The following FAF1 variants were observed in gnomAD, a reference collection of about 807,000 sequenced individuals.
FAF1 encodes the protein FAS-associated factor 1.
In FAF1, 25 loss-of-function variants were observed where a neutral mutation model predicts 92.5. The observed-to-expected ratio is 0.27, with a 90% CI of 0.20 to 0.38. The LOEUF is 0.38. Ranked by LOEUF, FAF1 falls within the 10% of genes least tolerant of loss-of-function variation. FAF1 has a pLI of 1.00. For missense variants in FAF1, 636 were observed against 793.3 expected (o/e 0.80, Z 2.38); for synonymous variants, 234 against 273.2 (o/e 0.86, Z 1.42).
chr1:50,763,306 T>C (rs954653200), intron 4 of FAF1, among the ~76,000 whole-genome samples: 1 of 151,896 alleles, frequency 6.6e-6, no homozygotes, highest in Non-Finnish European at 1.5e-5. Context: ...AAATATAAAA[T>C]GTATCTTTGT....
chr1:50,574,895 ACT>A lies in FAF1; in HGVS notation c.1114-7666_1114-7665del, dbSNP rs1287248904. On this transcript the variant is annotated intron_variant, in intron 12 of 18. Transcript: ENST00000396153. ...TGTTTAAGCATATAGAGTTGTATTA[ACT>A]CTTTTTTTTTTTTTTTTTTTTTTTT... 6.7e-3 allele frequency among the ~76,000 whole-genome samples: 875 copies of A among 131,222 alleles called. 50 individuals are homozygous for A. Among genetic ancestry groups the A allele is most frequent in the African/African-American group, 0.024 (781 of 32,162 alleles). 86.1% of individuals were successfully genotyped at this position (131,222 alleles called of 152,430 possible). A position where few individuals can be genotyped will look rare whatever the true frequency, so the allele number is the denominator to read the frequency against.
chr1:50,451,194 A>G (rs533265272), intron 18 of FAF1, among the ~76,000 whole-genome samples: 1 of 152,186 alleles, frequency 6.6e-6, no homozygotes, highest in South Asian at 2.1e-4. Context: ...TGGGAAAGAG[A>G]GAATGAAAGA....
At chr1:50,570,108 T>C (rs1396284422) in intron 12 of FAF1, among the ~76,000 whole-genome samples, 2 of 152,138 alleles carry the variant, frequency 1.3e-5, no homozygotes, top group Non-Finnish European at 2.9e-5. Flanking sequence ...AGGGCAAAGA[T>C]GTGTTTACTC....
chr1:50,750,103 T>G (rs1381454511), intron 4 of FAF1, among the ~76,000 whole-genome samples: 2 of 152,146 alleles, frequency 1.3e-5, no homozygotes, highest in Non-Finnish European at 1.5e-5. Context: ...AGTACTGGAA[T>G]GTAGCAAGTT....
At chr1:50,524,867 G>A (rs1445282904) in intron 15 of FAF1, among the ~76,000 whole-genome samples, 3 of 151,914 alleles carry the variant, frequency 2.0e-5, no homozygotes, top group Non-Finnish European at 4.4e-5. Context: ...TGGCTATTCA[G>A]GCTCTTTTTT....
chr1:50,695,717 G>A (rs373972776), intron 7 of FAF1, among the ~76,000 whole-genome samples: 31 of 151,942 alleles, frequency 2.0e-4, no homozygotes, highest in Admixed American at 2.0e-4. Context: ...GCGCGATCTC[G>A]GCTCACTTGC....
chr1:50,842,199 A>G (rs1055288337), intron 2 of FAF1, among the ~76,000 whole-genome samples: 1 of 152,080 alleles, frequency 6.6e-6, no homozygotes, highest in Non-Finnish European at 1.5e-5. Context: ...CATGTTGACT[A>G]ACTAAAACCA....
rs562915284 is a variant in FAF1 at position 50,898,797 on chromosome 1, CA to C, written c.46-40801del. On this transcript the variant is annotated intron_variant, in intron 1 of 18. Transcript: ENST00000396153. ...CTGTTCTTAAATTTTTCGATTTTCA[CA>C]GGTTTTAAGCAATTTGATTTGATGC... Among the ~76,000 whole-genome samples the C allele has an allele frequency of 1.1e-3, 175 of 152,274 alleles. 1 individual carries two copies. In the South Asian group the frequency reaches 0.012, roughly 11 times the overall value.
At chr1:50,708,109 G>A (rs554744173) in intron 6 of FAF1, among the ~76,000 whole-genome samples, 17 of 152,182 alleles carry the variant, frequency 1.1e-4, no homozygotes, top group African/African-American at 1.7e-4. Flanking sequence ...CGCCCGGCCC[G>A]CCCCTGGAAC....
chr1:50,955,968 G>C (rs1281872990), intron 1 of FAF1, among the ~76,000 whole-genome samples: 1 of 152,182 alleles, frequency 6.6e-6, no homozygotes, highest in Non-Finnish European at 1.5e-5. Flanking sequence ...AAGTAGGATG[G>C]TGGTTGCCAG....
intron 1 of FAF1, among the ~76,000 whole-genome samples, chr1:50,867,288 GAC>G (rs1644489310): frequency 6.6e-6 from 1 of 152,166 alleles, no homozygotes; most frequent in Non-Finnish European, 1.5e-5. Context: ...AAGACTTCAT[GAC>G]CAAGAACACA....
intron 8 of FAF1, among the ~76,000 whole-genome samples, chr1:50,618,697 CCTT>C (rs768331264): frequency 6.6e-6 from 1 of 151,888 alleles, no homozygotes; most frequent in East Asian, 1.9e-4. Flanking sequence ...CCTTTATTGT[CCTT>C]CTTAATTTTT....
At chr1:50,889,530 C>T (rs1428349602) in intron 1 of FAF1, among the ~76,000 whole-genome samples, 1 of 152,196 alleles carries the variant, frequency 6.6e-6, no homozygotes, top group Non-Finnish European at 1.5e-5. Context: ...CTACACACTG[C>T]TTTAAATGTG....
At chr1:50,512,417 T>C (rs746148453) in intron 15 of FAF1, among the ~76,000 whole-genome samples, 1 of 152,222 alleles carries the variant, frequency 6.6e-6, no homozygotes, top group Non-Finnish European at 1.5e-5. Flanking sequence ...AATTTTTGTA[T>C]AAGGTGGAAG....
chr1:50,475,590 G>T lies in FAF1; in HGVS notation c.1743C>A (p.Pro581=). The T allele has an allele frequency of 6.2e-7, 1 of 1,614,022 alleles. No homozygotes were observed. Among genetic ancestry groups the T allele is most frequent in the Non-Finnish European group, 8.5e-7 (1 of 1,179,908 alleles). The part of the protein sequence containing the change: ...EPVSKLRIRT[P]SGEFLERRFL... ...AACGCCGCTCCAAGAACTCGCCACT[G>T]GGGGTCCGGATCCGCAGTTTGCTCA... Residue 581 remains proline, a synonymous_variant, in exon 18 of 19, where the codon CCC becomes CCA. Transcript: ENST00000396153.
chr1:50,739,428 ATG>A (rs1156519241), intron 5 of FAF1, among the ~76,000 whole-genome samples: 1 of 151,986 alleles, frequency 6.6e-6, no homozygotes, highest in East Asian at 1.9e-4. Flanking sequence ...GTGTATGTGT[ATG>A]TGTGTATATA....
chr1:50,662,424 C>G (rs1486602563), intron 7 of FAF1, among the ~76,000 whole-genome samples: 3 of 152,092 alleles, frequency 2.0e-5, no homozygotes, highest in Non-Finnish European at 1.5e-5. Flanking sequence ...AATTGCCTTT[C>G]TAAGAGATTA....
chr1:50,826,975 T>C (rs563285358), intron 2 of FAF1, among the ~76,000 whole-genome samples: 44 of 149,618 alleles, frequency 2.9e-4, no homozygotes, highest in African/African-American at 1.0e-3. Context: ...GGAGTGCCTC[T>C]GCCCGGCCGC....
At chr1:50,588,018 G>A (rs150435872) in intron 9 of FAF1, among the ~76,000 whole-genome samples, 202 of 152,290 alleles carry the variant, frequency 1.3e-3, no homozygotes, top group African/African-American at 4.7e-3. Context: ...CAGGCATGGT[G>A]GCTCATGCCT....
Sources: allele counts gnomAD v4.1 joint callset (sites outside exome capture counted in the v4.1 genomes callset), GRCh38; gene constraint gnomAD v4.1.1; transcripts MANE v1.5; gene names NCBI Gene and HGNC (gene_info 2026-07-23, HGNC 2026-07-21).